Variants in ZNF385C observed in about 807,000 individuals in gnomAD.
The protein encoded by ZNF385C is zinc finger protein 385C.
In ZNF385C, 28 loss-of-function variants were observed where a neutral mutation model predicts 35.4. The observed-to-expected ratio is 0.79, with a 90% CI of 0.59 to 1.08. ZNF385C has a LOEUF of 1.08. Among genes scored for constraint, ZNF385C ranks in the 50% least tolerant of loss-of-function variants. The probability of loss-of-function intolerance (pLI) is 0.00; values close to 1 mark genes in which losing one functional copy is unlikely to be tolerated. For synonymous variants in ZNF385C, 248 were observed against 248.2 expected, an observed-to-expected ratio of 1.00 and a Z score of 0.01; for missense variants, 605 against 595.6, an observed-to-expected ratio of 1.02 and a Z score of -0.16.
intron 2 of ZNF385C, among the ~76,000 whole-genome samples, chr17:42,042,428 A>G (rs978584167): frequency 2.6e-5 from 4 of 152,126 alleles, no homozygotes; most frequent in Non-Finnish European, 5.9e-5. Flanking sequence ...AGGCTGAGGC[A>G]GGAGAATCAC....
chr17:42,050,976 C>T lies in ZNF385C; in HGVS notation c.250+11831G>A, dbSNP rs1303737379. Among the ~76,000 whole-genome samples the T allele has an allele frequency of 6.6e-6, 1 of 152,090 alleles. No homozygotes were observed. The highest frequency in any genetic ancestry group is 6.5e-5 in the Admixed American group (1 of 15,272). ...TTTGGAAGCAAGTGCTTTGGGATCA[C>T]GAAGGAGCGGGCGACCAGCTGAAGG... is the stretch of plus-strand genomic sequence containing the variant. On this transcript the variant is annotated intron_variant, in intron 2 of 8. Coordinates refer to ENST00000692273, the MANE Select transcript of ZNF385C (RefSeq NM_001392013.1). This position sits in a 1 kb window ranked among gnomAD's most constrained non-coding sequence, Gnocchi z 5.6.
rs532435744 is a variant in ZNF385C, at chr17:42,032,174, C to T, written c.511-390G>A. ...CTCCCGGGTTCAAGCGATTCTTCTG[C>T]CTCAGCCTCCGGGGTAGCTGGGACT... On this transcript the variant is annotated intron_variant, in intron 4 of 8. Coordinates refer to ENST00000692273, the MANE Select transcript of ZNF385C (RefSeq NM_001392013.1). Among the ~76,000 whole-genome samples the T allele has an allele frequency of 3.9e-5, 6 of 152,282 alleles. 1 individual carries two copies. In the South Asian group the frequency reaches 1.0e-3, roughly 26 times the overall value.
At chr17:42,071,710 C>T (rs1372137968) in intron 1 of ZNF385C, among the ~76,000 whole-genome samples, 1 of 152,214 alleles carries the variant, frequency 6.6e-6, no homozygotes, top group Non-Finnish European at 1.5e-5. Context: ...GGAGACCCGC[C>T]GGCCCCATGC....
At chr17:42,064,872 G>C (rs1555658341) in intron 1 of ZNF385C, among the ~76,000 whole-genome samples, 1 of 151,968 alleles carries the variant, frequency 6.6e-6, no homozygotes, top group Non-Finnish European at 1.5e-5. Context: ...GTGGGAGACA[G>C]AGTCTTACTC....
At chr17:42,077,015 T>A (rs1328892597) in intron 1 of ZNF385C, among the ~76,000 whole-genome samples, 3 of 152,182 alleles carry the variant, frequency 2.0e-5, no homozygotes, top group African/African-American at 7.2e-5. Flanking sequence ...CCAGTTTGAC[T>A]ATTCCAGCTC....
chr17:42,032,566 A>G (rs1460286381), intron 4 of ZNF385C, among the ~76,000 whole-genome samples: 3 of 152,178 alleles, frequency 2.0e-5, no homozygotes, highest in Non-Finnish European at 2.9e-5. Flanking sequence ...CAATCCCCAC[A>G]CTTTGGGGTG....
intron 1 of ZNF385C, among the ~76,000 whole-genome samples, chr17:42,092,910 G>A (rs1371185177): frequency 1.1e-4 from 17 of 152,040 alleles, no homozygotes; most frequent in African/African-American, 4.1e-4. Context: ...AGAGACATCT[G>A]GGAGCGGGGG....
intron 2 of ZNF385C, chr17:42,062,308 C>G (rs1310266807): frequency 6.5e-6 from 1 of 153,604 alleles, no homozygotes; most frequent in Non-Finnish European, 1.5e-5. Flanking sequence ...AAAGTCACCC[C>G]AGCTAGGGAG....
intron 1 of ZNF385C, among the ~76,000 whole-genome samples, chr17:42,063,746 C>T (rs1435556837): frequency 3.9e-5 from 6 of 152,102 alleles, no homozygotes; most frequent in African/African-American, 7.2e-5. Context: ...TTTGAGGAAG[C>T]GAGAGTCCTG....
In ZNF385C at chr17:42,088,142, T is replaced by A. The variant is rs142042361; in HGVS notation, c.-3+10268A>T. On this transcript the variant is annotated intron_variant, in intron 1 of 8. Transcript: ENST00000692273. ...CCAGGCATGTGGTAATCATTACATA[T>A]GTTTGCTAAATAACACAAGTGTAGT... Among the ~76,000 whole-genome samples, 389 of 152,358 alleles carry A rather than the reference T, an allele frequency of 2.6e-3. 1 individual carries two copies. The highest frequency in any genetic ancestry group is 9.2e-3 in the African/African-American group (381 of 41,576).
At chr17:42,072,332 CCTT>C (rs1325993953) in intron 1 of ZNF385C, among the ~76,000 whole-genome samples, 1 of 152,184 alleles carries the variant, frequency 6.6e-6, no homozygotes, top group Non-Finnish European at 1.5e-5. Context: ...AGCTGGAAGT[CCTT>C]CTTGCCATCA....
At chr17:42,085,922 G>T (rs988900427) in intron 1 of ZNF385C, among the ~76,000 whole-genome samples, 7 of 151,994 alleles carry the variant, frequency 4.6e-5, no homozygotes, top group Admixed American at 4.6e-4. Flanking sequence ...TTAAAAATTA[G>T]CCAGGCATGG....
chr17:42,031,297 A>T (rs1450302453), intron 5 of ZNF385C, among the ~76,000 whole-genome samples: 1 of 152,188 alleles, frequency 6.6e-6, no homozygotes, highest in African/African-American at 2.4e-5. Context: ...AGCCTCCCAA[A>T]GTGTTAACCA....
chr17:42,036,933 T>C (rs1598181896), intron 3 of ZNF385C, among the ~76,000 whole-genome samples: 1 of 152,304 alleles, frequency 6.6e-6, no homozygotes, highest in African/African-American at 2.4e-5. Context: ...ATGATTTCAC[T>C]TGAGTTTTCA....
chr17:42,065,602 C>T (rs1437465146), intron 1 of ZNF385C, among the ~76,000 whole-genome samples: 1 of 152,212 alleles, frequency 6.6e-6, no homozygotes, highest in African/African-American at 2.4e-5. Context: ...AGTGATCCCA[C>T]ATAACATGTC....
intron 2 of ZNF385C, among the ~76,000 whole-genome samples, chr17:42,048,956 C>A (rs1365304915): frequency 2.9e-5 from 4 of 137,378 alleles, no homozygotes; most frequent in African/African-American, 7.9e-5. Flanking sequence ...AAAAAAAAAA[C>A]AAAAATACTG....
At chr17:42,064,527 A>T (rs1239601806) in intron 1 of ZNF385C, among the ~76,000 whole-genome samples, 1 of 152,046 alleles carries the variant, frequency 6.6e-6, no homozygotes, top group Non-Finnish European at 1.5e-5. Flanking sequence ...TAAGTTAATG[A>T]GGTCATACCG....
At chr17:42,086,015 C>A (rs1598205646) in intron 1 of ZNF385C, among the ~76,000 whole-genome samples, 1 of 152,294 alleles carries the variant, frequency 6.6e-6, no homozygotes, top group East Asian at 1.9e-4. Context: ...CTGCAGTGAG[C>A]CATGATTGTG....
chr17:42,077,787 G>A (rs530303287), intron 1 of ZNF385C, among the ~76,000 whole-genome samples: 1 of 152,222 alleles, frequency 6.6e-6, no homozygotes, highest in East Asian at 1.9e-4. Context: ...GGGTAGGCCT[G>A]TCCCACCCCA....
Sources: allele counts gnomAD v4.1 joint callset (sites outside exome capture counted in the v4.1 genomes callset), GRCh38; gene constraint gnomAD v4.1.1; non-coding constraint Gnocchi (gnomAD v3.1); transcripts MANE v1.5; gene names NCBI Gene and HGNC (gene_info 2026-07-23, HGNC 2026-07-21).